CELF4: variants seen among roughly 807,000 people sequenced by gnomAD.
CELF4 encodes CUG-BP- and ETR-3-like factor 4.
Under a neutral mutation model 59.9 loss-of-function variants are expected in CELF4, and 18 were observed. The ratio of observed to expected loss-of-function variants is 0.30; its 90% CI spans 0.21 to 0.45. The LOEUF is 0.45. Ranked by LOEUF, CELF4 falls within the 20% of genes least tolerant of loss-of-function variation. CELF4 has a pLI of 1.00. For synonymous variants in CELF4, 261 were observed against 267.1 expected, an observed-to-expected ratio of 0.98 and a Z score of 0.22; for missense variants, 456 against 689.0, an observed-to-expected ratio of 0.66 and a Z score of 3.79.
At chr18:37,478,269 C>T (rs1469316399) in intron 2 of CELF4, among the ~76,000 whole-genome samples, 2 of 152,230 alleles carry the variant, frequency 1.3e-5, no homozygotes, top group Non-Finnish European at 2.9e-5. Context: ...GGGCTCATTG[C>T]TCTGCCCAGA....
At chr18:37,320,686 A>C (rs939577320) in intron 3 of CELF4, among the ~76,000 whole-genome samples, 3 of 152,214 alleles carry the variant, frequency 2.0e-5, no homozygotes, top group African/African-American at 4.8e-5. Context: ...CTGAGAGCTC[A>C]GTTCAGAGCA....
intron 1 of CELF4, among the ~76,000 whole-genome samples, chr18:37,531,522 G>A (rs1220099320): frequency 6.6e-6 from 1 of 152,220 alleles, no homozygotes; most frequent in Non-Finnish European, 1.5e-5. Context: ...ATGCCGATCT[G>A]CAGCTCTGAT....
chr18:37,369,958 C>T (rs866521292), intron 2 of CELF4, among the ~76,000 whole-genome samples: 7 of 152,334 alleles, frequency 4.6e-5, no homozygotes, highest in Admixed American at 1.3e-4. Context: ...TGCAGAAAGC[C>T]GAAACGCCCC....
rs565019552 is a variant in CELF4, at chr18:37,549,230, C to A, written c.286+16126G>T. ...TTTGCTATTTTTCTGAAATCCAAACCATCCTAGAGCAGTATGACCAGGACC... is the reference window on the plus strand; with the variant it reads ...TTTGCTATTTTTCTGAAATCCAAACAATCCTAGAGCAGTATGACCAGGACC... On this transcript the variant is annotated intron_variant, in intron 1 of 12. Coordinates refer to ENST00000420428, the MANE Select transcript of CELF4 (RefSeq NM_020180.4). Among the ~76,000 whole-genome samples the A allele has an allele frequency of 4.6e-5, 7 of 152,306 alleles. No individual in the cohort carries two copies. In the South Asian group the frequency reaches 1.4e-3, roughly 32 times the overall value.
intron 3 of CELF4, chr18:37,276,362 C>G (rs1255760575): frequency 6.6e-6 from 1 of 152,204 alleles, no homozygotes; most frequent in Non-Finnish European, 1.5e-5. Flanking sequence ...GTATTCCTTC[C>G]CCTTGACTGC....
intron 8 of CELF4, among the ~76,000 whole-genome samples, chr18:37,269,338 A>G (rs1203531980): frequency 6.6e-6 from 1 of 152,216 alleles, no homozygotes; most frequent in Admixed American, 6.5e-5. Context: ...GAAAACTCCA[A>G]GTTCAAAGTC....
intron 3 of CELF4, among the ~76,000 whole-genome samples, chr18:37,321,587 G>A (rs2097120798): frequency 1.3e-5 from 2 of 152,114 alleles, no homozygotes; most frequent in Admixed American, 6.5e-5. Flanking sequence ...CGCATAAACC[G>A]CACCGTCTGG....
At chr18:37,509,340 C>T (rs1294363513) in intron 1 of CELF4, among the ~76,000 whole-genome samples, 1 of 152,226 alleles carries the variant, frequency 6.6e-6, no homozygotes, top group East Asian at 1.9e-4. Context: ...GCACTGGGTG[C>T]CCTACCCATG....
intron 2 of CELF4, among the ~76,000 whole-genome samples, chr18:37,417,483 C>A (rs2099538551): frequency 6.6e-6 from 1 of 152,242 alleles, no homozygotes; most frequent in South Asian, 2.1e-4. Flanking sequence ...TCTCAGGACT[C>A]TGCCCAGCAG....
At chr18:37,474,213 T>A (rs1188686596) in intron 2 of CELF4, among the ~76,000 whole-genome samples, 1 of 152,210 alleles carries the variant, frequency 6.6e-6, no homozygotes, top group Non-Finnish European at 1.5e-5. Flanking sequence ...GGTGGCCACT[T>A]AGAAATTACA....
At chr18:37,490,701 G>A (rs2099899790) in intron 1 of CELF4, among the ~76,000 whole-genome samples, 1 of 152,144 alleles carries the variant, frequency 6.6e-6, no homozygotes, top group Admixed American at 6.5e-5. Flanking sequence ...TTTGGGGGAT[G>A]GAAACCATGA....
At chr18:37,474,683 C>CT (rs756045402) in intron 2 of CELF4, among the ~76,000 whole-genome samples, 15 of 152,254 alleles carry the variant, frequency 9.9e-5, no homozygotes, top group Non-Finnish European at 2.2e-4. Context: ...AAGTGTCTGG[C>CT]TGTAGCGAGT....
intron 2 of CELF4, among the ~76,000 whole-genome samples, chr18:37,345,936 CG>C (rs1486818205): frequency 2.6e-5 from 4 of 152,010 alleles, no homozygotes; most frequent in Non-Finnish European, 5.9e-5. Context: ...GCCTGGCCCC[CG>C]GAGCCCCCAG....
intron 1 of CELF4, among the ~76,000 whole-genome samples, chr18:37,543,515 G>T (rs1254184816): frequency 6.6e-6 from 1 of 152,220 alleles, no homozygotes; most frequent in Non-Finnish European, 1.5e-5. Context: ...CCTGGGCAGG[G>T]GCTGTGGCTC....
At chr18:37,420,639 C>A (rs531105921) in intron 2 of CELF4, among the ~76,000 whole-genome samples, 3 of 152,246 alleles carry the variant, frequency 2.0e-5, no homozygotes, top group African/African-American at 7.2e-5. Context: ...GATAGCCCAG[C>A]CTCTGCTAGA....
At chr18:37,435,918 C>T (rs1308339403) in intron 2 of CELF4, among the ~76,000 whole-genome samples, 1 of 152,112 alleles carries the variant, frequency 6.6e-6, no homozygotes, top group East Asian at 1.9e-4. Flanking sequence ...AGGAATAAAC[C>T]CAGGACAGAG....
intron 2 of CELF4, among the ~76,000 whole-genome samples, chr18:37,332,193 T>A (rs1233985368): frequency 6.6e-6 from 1 of 152,088 alleles, no homozygotes; most frequent in Non-Finnish European, 1.5e-5. Context: ...TGGCCCAAAT[T>A]TCCCCAGGTT....
intron 1 of CELF4, among the ~76,000 whole-genome samples, chr18:37,546,127 C>G (rs904483917): frequency 3.3e-5 from 5 of 152,180 alleles, no homozygotes; most frequent in Non-Finnish European, 7.3e-5. Context: ...TTGGACTCAT[C>G]TCTTCTGTTT....
At chr18:37,250,554 C>A (rs550192481) in intron 12 of CELF4, among the ~76,000 whole-genome samples, 2 of 152,324 alleles carry the variant, frequency 1.3e-5, no homozygotes, top group East Asian at 3.9e-4. Context: ...TCCCTCGGCC[C>A]CTGCTCAGGC....
Sources: allele counts gnomAD v4.1 joint callset (sites outside exome capture counted in the v4.1 genomes callset), GRCh38; gene constraint gnomAD v4.1.1; transcripts MANE v1.5; gene names NCBI Gene and HGNC (gene_info 2026-07-23, HGNC 2026-07-21).